NAT2: variants seen among roughly 807,000 people sequenced by gnomAD.
NAT2 encodes N-acetyltransferase 2, also known as arylamine N-acetyltransferase 2.
For synonymous variants in NAT2, 137 were observed against 125.9 expected, an observed-to-expected ratio of 1.09 and a Z score of -0.59; for missense variants, 428 against 339.1, an observed-to-expected ratio of 1.26 and a Z score of -2.06.
chr8:18,392,560 C>T (rs1345374024), intron 1 of NAT2, among the ~76,000 whole-genome samples: 1 of 152,156 alleles, frequency 6.6e-6, no homozygotes, highest in Non-Finnish European at 1.5e-5. Flanking sequence ...TGGTGCCCAC[C>T]CGGATTGAGG....
chr8:18,398,210 C>G (rs965423427), intron 1 of NAT2, among the ~76,000 whole-genome samples: 1 of 152,154 alleles, frequency 6.6e-6, no homozygotes, highest in African/African-American at 2.4e-5. Flanking sequence ...AAGGCATAAC[C>G]TAATGCCAAT....
intron 1 of NAT2, among the ~76,000 whole-genome samples, chr8:18,394,895 T>A (rs1800658717): frequency 6.6e-6 from 1 of 152,182 alleles, no homozygotes; most frequent in African/African-American, 2.4e-5. Flanking sequence ...CACTAAGAGT[T>A]TCCAAATTTC....
chr8:18,398,408 G>A (rs1351747974), intron 1 of NAT2, among the ~76,000 whole-genome samples: 1 of 152,160 alleles, frequency 6.6e-6, no homozygotes, highest in Non-Finnish European at 1.5e-5. Context: ...TTTAGACTTT[G>A]TGGCTGGTTT....
upstream of NAT2, chr8:18,387,725 C>G (rs1800528022): frequency 6.5e-6 from 1 of 155,004 alleles, no homozygotes; most frequent in Non-Finnish European, 1.4e-5. Flanking sequence ...CGCTTGGCCT[C>G]AGCTCCTTAG....
chr8:18,391,997 T>A (rs771180555), intron 1 of NAT2, among the ~76,000 whole-genome samples: 65 of 152,218 alleles, frequency 4.3e-4, no homozygotes, highest in Admixed American at 9.2e-4. Flanking sequence ...CACAAAATCT[T>A]TGAATCCACC....
At chr8:18,399,903 T>A in intron 1 of NAT2, 95 bp from the exon 2 acceptor site, 1 of 1,321,490 alleles carries the variant, frequency 7.6e-7, no homozygotes, top group Non-Finnish European at 1.0e-6. Context: ...ATTGTGTTTT[T>A]ACGTATTTAA....
chr8:18,394,019 A>T (rs1299223361), intron 1 of NAT2, among the ~76,000 whole-genome samples: 1 of 152,226 alleles, frequency 6.6e-6, no homozygotes, highest in Non-Finnish European at 1.5e-5. Flanking sequence ...ACCTGGGTGC[A>T]GGCGGGCTGA....
chr8:18,388,187 T>C (rs1488999597), upstream of NAT2, among the ~76,000 whole-genome samples: 1 of 152,240 alleles, frequency 6.6e-6, no homozygotes, highest in Non-Finnish European at 1.5e-5. Flanking sequence ...CTGTCAAGTT[T>C]GTCTACACTG....
At chr8:18,395,664 C>A (rs1800671468) in intron 1 of NAT2, among the ~76,000 whole-genome samples, 1 of 152,096 alleles carries the variant, frequency 6.6e-6, no homozygotes, top group Middle Eastern at 3.2e-3. Flanking sequence ...TCAGTCCCCA[C>A]TTTGAAACTT....
upstream of NAT2, chr8:18,387,316 T>C (rs1184859068): frequency 1.3e-5 from 2 of 152,124 alleles, no homozygotes; most frequent in East Asian, 1.9e-4. Context: ...GGGCAGGCGC[T>C]AGGCGTTCCG....
upstream of NAT2, among the ~76,000 whole-genome samples, chr8:18,390,196 C>T (rs72500136): frequency 6.6e-6 from 1 of 151,986 alleles, no homozygotes; most frequent in Non-Finnish European, 1.5e-5. Context: ...AGCCTTCCCA[C>T]AGAGTCCCGA....
intron 1 of NAT2, among the ~76,000 whole-genome samples, chr8:18,394,032 C>A (rs1462992884): frequency 6.6e-6 from 1 of 152,014 alleles, no homozygotes; most frequent in African/African-American, 2.4e-5. Flanking sequence ...CGGGCTGAGT[C>A]CTAAAAGAGA....
intron 1 of NAT2, among the ~76,000 whole-genome samples, chr8:18,393,085 G>T (rs1216645558): frequency 6.6e-6 from 1 of 151,602 alleles, no homozygotes; most frequent in Admixed American, 6.6e-5. Context: ...TCTGCTTGTT[G>T]GCCAGTGGAA....
rs1443263835 is a variant in NAT2, at chr8:18,400,084, T to C, written c.81T>C (p.Ile27=). Residue 27 remains isoleucine, a synonymous_variant, in exon 2 of 2, where the codon ATT becomes ATC. Coordinates refer to ENST00000286479, the MANE Select transcript of NAT2 (RefSeq NM_000015.3). ...NKLDLETLTD[I]LEHQIRAVPF... is the part of the protein sequence containing the mutation. ...TGGACTTGGAAACATTAACTGACAT[T>C]CTTGAGCACCAGATCCGGGCTGTTC... 5 of 1,613,696 alleles carry C rather than the reference T, an allele frequency of 3.1e-6. No homozygotes were observed. The South Asian group carries it at 4.4e-5, about 14-fold the overall frequency.
At chr8:18,396,999 G>T (rs35583283) in intron 1 of NAT2, among the ~76,000 whole-genome samples, 2 of 151,822 alleles carry the variant, frequency 1.3e-5, no homozygotes, top group Admixed American at 6.6e-5. Context: ...ACTTATTTTG[G>T]ATTAAAGAAC....
intron 1 of NAT2, among the ~76,000 whole-genome samples, chr8:18,396,376 T>C (rs1335409277): frequency 6.6e-6 from 1 of 152,188 alleles, no homozygotes; most frequent in Non-Finnish European, 1.5e-5. Flanking sequence ...TCATAAACCT[T>C]TAGTTTTGTC....
upstream of NAT2, chr8:18,391,163 T>G (rs1800585867): frequency 6.6e-6 from 1 of 152,120 alleles, no homozygotes; most frequent in Non-Finnish European, 1.5e-5. Flanking sequence ...AGAGGCAACC[T>G]GAGGCCCTGC....
At chr8:18,386,858 A>G (rs992985313), upstream of NAT2, among the ~76,000 whole-genome samples, 2 of 152,160 alleles carry the variant, frequency 1.3e-5, no homozygotes, top group African/African-American at 2.4e-5. Flanking sequence ...GTGTTCAAGG[A>G]CGACGCTGAA....
upstream of NAT2, among the ~76,000 whole-genome samples, chr8:18,388,859 G>C (rs924163213): frequency 2.6e-5 from 4 of 152,162 alleles, no homozygotes; most frequent in African/African-American, 9.7e-5. Flanking sequence ...TGACAGCTCA[G>C]GTATTCCCCA....
Sources: allele counts gnomAD v4.1 joint callset (sites outside exome capture counted in the v4.1 genomes callset), GRCh38; gene constraint gnomAD v4.1.1; transcripts MANE v1.5; gene names NCBI Gene and HGNC (gene_info 2026-07-23, HGNC 2026-07-21).